The following F12 variants were observed in gnomAD, a reference collection of about 807,000 sequenced individuals.
The protein encoded by F12 is Hageman factor.
A neutral mutation model predicts 74.8 loss-of-function variants in F12; 70 were observed. That is an observed-to-expected ratio of 0.94 (90% CI 0.77 to 1.14). The LOEUF is 1.14. Ranked by LOEUF, F12 falls within the 50% of genes most tolerant of loss-of-function variation. The probability of loss-of-function intolerance (pLI) is 0.00; values close to 1 mark genes in which losing one functional copy is unlikely to be tolerated. For missense variants in F12, 811 were observed against 835.7 expected (o/e 0.97, Z 0.36); for synonymous variants, 373 against 356.4 (o/e 1.05, Z -0.52).
chr5:177,406,407 T>A (rs2127361408), intron 2 of F12, among the ~76,000 whole-genome samples: 1 of 152,038 alleles, frequency 6.6e-6, no homozygotes, highest in East Asian at 1.9e-4. Flanking sequence ...GAGAATGGTG[T>A]GAACCCGGGA....
At position 177,405,034 on chromosome 5, in the gene F12, G is replaced by C; in HGVS notation, c.529+20C>G. The stretch of plus-strand genomic sequence containing the variant: ...TCTTCCTGACGCTCCTCCCTGGCCC[G>C]TTCCCAACCATCTGCTCACCCTGGC... On this transcript the variant is annotated intron_variant, in intron 6 of 13. Transcript: ENST00000253496. 6.2e-7 allele frequency: 1 copy of C among 1,610,000 alleles called. No homozygotes were observed. The highest frequency in any genetic ancestry group is 2.2e-5 in the East Asian group (1 of 44,880).
At chr5:177,402,496 G>A (rs1409533261) in intron 13 of F12, 37 bp from the exon 14 acceptor site, 2 of 1,599,576 alleles carry the variant, frequency 1.3e-6, no homozygotes, top group Admixed American at 1.7e-5. Context: ...CTGTGGACCT[G>A]AGATTTGTGC....
Position 177,405,951 on chromosome 5 carries a change from C to G in F12, c.215+11G>C. The stretch of plus-strand genomic sequence containing the variant: ...CCAGGCCCCTGCTCCAACTCCTCTG[C>G]GTAGTCTTACCAGGGCTGAGGGCCT... On this transcript the variant is annotated intron_variant, in intron 3 of 13. Transcript: ENST00000253496. The G allele has an allele frequency of 3.7e-6, 6 of 1,612,506 alleles. No individual in the cohort carries two copies. The highest frequency in any genetic ancestry group is 1.1e-5 in the South Asian group (1 of 91,058).
At position 177,403,288 on chromosome 5, in the gene F12, G is replaced by A. The variant is rs71601361; in HGVS notation, c.1497C>T (p.Leu499=). ...GGTGGCCCCAGCCGGCCACCTGGCA[G>A]AGCGTGGTCTCGGAGGGTCGCGCGG... is the stretch of plus-strand genomic sequence containing the variant. ...SGAARPSETT[L]CQVAGWGHQF... The change falls in exon 12 of 14, where the codon CTC becomes CTT. Residue 499 remains leucine (L), a synonymous_variant. Transcript: ENST00000253496. 6.2e-7 allele frequency: 1 copy of A among 1,600,400 alleles called. No homozygotes were observed. Among genetic ancestry groups the A allele is most frequent in the Non-Finnish European group, 8.5e-7 (1 of 1,179,848 alleles).
At position 177,404,484 on chromosome 5, in the gene F12, C is replaced by T. The variant is rs1012917194; in HGVS notation, c.800+15G>A. On this transcript the variant is annotated intron_variant, in intron 8 of 13. Transcript: ENST00000253496. ...GCCCTGGGGCGGAGGGGTCACCCAG[C>T]CCCACGCGGCGCACCGGCAGAAGGC... 1.3e-6 allele frequency: 2 copies of T among 1,590,308 alleles called. No individual in the cohort carries two copies. Among genetic ancestry groups the T allele is most frequent in the Non-Finnish European group, 1.7e-6 (2 of 1,168,918 alleles).
rs1276650320 is a variant in F12 at position 177,405,763 on chromosome 5, T to G, written c.258A>C (p.Gly86=). ...TCACTTTCTTGGGCTCCAAACAGTA[T>G]CCCCATCGCTGGTCCTGATCAAAGT... ...TPNFDQDQRW[G]YCLEPKKVKD... is the part of the protein sequence containing the mutation. The change falls in exon 4 of 14, where the codon GGA becomes GGC. Residue 86 remains glycine, a synonymous_variant. Transcript: ENST00000253496. 6.2e-7 allele frequency: 1 copy of G among 1,613,996 alleles called. No individual in the cohort carries two copies. The highest frequency in any genetic ancestry group is 1.3e-5 in the African/African-American group (1 of 74,880).
chr5:177,402,452 G>C lies in F12; in HGVS notation c.1688C>G (p.Ser563Cys). Residue 563 changes from serine to cysteine, a missense_variant, in exon 14 of 14, where the codon TCC (serine) becomes TGC (cysteine). Transcript: ENST00000253496. ...EGGTDACQGD[S>C]GGPLVCEDQA... ...GTCCTCACACACCAGCGGGCCTCCG[G>C]AATCACCCTGGGTCGGAAACACGCA... 6.2e-7 allele frequency: 1 copy of C among 1,606,914 alleles called. No individual in the cohort carries two copies. Among genetic ancestry groups the C allele is most frequent in the South Asian group, 1.1e-5 (1 of 90,050 alleles).
At position 177,404,563 on chromosome 5, in the gene F12, T is replaced by C; in HGVS notation, c.736A>G (p.Thr246Ala). 6.2e-7 allele frequency: 1 copy of C among 1,606,558 alleles called. No homozygotes were observed. The change falls in exon 8 of 14, where the codon ACC becomes GCC. Residue 246 changes from threonine to alanine, a missense_variant. Physicochemically the swap from Thr to Ala is moderately conservative, Grantham distance 58 (BLOSUM62 0). Transcript: ENST00000253496. ...TGCTCGGCAGTCACGTTCCGGTAGG[T>C]GGCCTCCGAGGCCCACGGCTGACAG... The part of the protein sequence containing the change: ...APCQPWASEA[T>A]YRNVTAEQAR...
intron 2 of F12, among the ~76,000 whole-genome samples, chr5:177,407,963 C>A (rs184934185): frequency 6.6e-6 from 1 of 151,902 alleles, no homozygotes; most frequent in Non-Finnish European, 1.5e-5. Flanking sequence ...TGGGCCTCAA[C>A]GCCATGCTTA....
intron 2 of F12, 143 bp from the exon 3 acceptor site, chr5:177,406,204 C>T (rs868107793): frequency 2.2e-5 from 17 of 777,186 alleles, no homozygotes; most frequent in African/African-American, 1.7e-4. Context: ...AAGTTGGGTT[C>T]AGGGCCGGGC....
chr5:177,409,360 G>A, intron 1 of F12, 111 bp downstream of exon 1: 2 of 1,321,106 alleles, frequency 1.5e-6, no homozygotes, highest in Non-Finnish European at 2.1e-6. Flanking sequence ...TTTCCACATA[G>A]GCCTCCTAGT....
Position 177,404,924 on chromosome 5 carries a change from G to A in F12, c.530-10C>T, listed in dbSNP as rs1224927893. Reference sequence around the variant, plus strand: ...GGGTTGGTGCGGCAGGCTTGGGGAGGGAACGCAGTGAGCCACCCCTGGGCC... The same window carrying A: ...GGGTTGGTGCGGCAGGCTTGGGGAGAGAACGCAGTGAGCCACCCCTGGGCC... On this transcript the variant is annotated splice_polypyrimidine_tract_variant and intron_variant, in intron 6 of 13. Coordinates refer to ENST00000253496, the MANE Select transcript of F12 (RefSeq NM_000505.4). The A allele has an allele frequency of 3.1e-6, 5 of 1,595,044 alleles. No homozygotes were observed. The highest frequency in any genetic ancestry group is 3.4e-6 in the Non-Finnish European group (4 of 1,174,534).
At position 177,409,093 on chromosome 5, in the gene F12, C is replaced by G; in HGVS notation, c.68G>C (p.Trp23Ser). 6.4e-7 allele frequency: 1 copy of G among 1,551,690 alleles called. No homozygotes were observed. Among genetic ancestry groups the G allele is most frequent in the East Asian group, 2.4e-5 (1 of 40,944 alleles). ...SLESTLSIPPWEAPKEHKYKA... is the reference protein window; with the variant it reads ...SLESTLSIPPSEAPKEHKYKA... ...GTACTTATGCTCCTTGGGGGCTTCC[C>G]AAGGTGGAATCTACAAGGGAGAGAA... The change falls in exon 2 of 14, where the codon TGG becomes TCG. Residue 23 changes from tryptophan (W) to serine (S), a missense_variant. Coordinates refer to ENST00000253496, the MANE Select transcript of F12 (RefSeq NM_000505.4).
intron 2 of F12, among the ~76,000 whole-genome samples, chr5:177,406,446 G>A (rs548500996): frequency 6.1e-4 from 93 of 151,690 alleles, no homozygotes; most frequent in African/African-American, 1.9e-3. Context: ...CCGAGATCGC[G>A]CCACTGCACT....
chr5:177,402,269 G>A lies in F12; in HGVS notation c.*23C>T, dbSNP rs968748041. 6.2e-6 allele frequency: 10 copies of A among 1,612,830 alleles called. No individual in the cohort carries two copies. The African/African-American group carries it at 8.0e-5, about 13-fold the overall frequency. ...TCTCTCACTGCGGAATCACCAAGGA[G>A]GGAAAGATGAGTCCCTGAGCAATCA... On this transcript the variant is annotated 3_prime_UTR_variant, in exon 14 of 14. Transcript: ENST00000253496.
chr5:177,403,903 G>T lies in F12; in HGVS notation c.1206C>A (p.Ile402=). 6.3e-7 allele frequency: 1 copy of T among 1,583,232 alleles called. No homozygotes were observed. Among genetic ancestry groups the T allele is most frequent in the Non-Finnish European group, 8.6e-7 (1 of 1,167,974 alleles). The stretch of plus-strand genomic sequence containing the variant: ...CGGCCGTCAGCACCCAGCAGGGGGC[G>T]ATGAGGCTGCCGGCGCAGAAACTGT... ...WGHSFCAGSL[I]APCWVLTAAH... Residue 402 remains isoleucine (I), a synonymous_variant, in exon 10 of 14, where the codon ATC becomes ATA. Transcript: ENST00000253496.
At chr5:177,408,360 TA>T (rs1763337082) in intron 2 of F12, among the ~76,000 whole-genome samples, 1 of 152,134 alleles carries the variant, frequency 6.6e-6, no homozygotes, top group Non-Finnish European at 1.5e-5. Context: ...GGCATGTAGG[TA>T]ATTTAGTGTC....
intron 13 of F12, 43 bp from the exon 14 acceptor site, chr5:177,402,502 T>G (rs1366599826): frequency 6.2e-7 from 1 of 1,600,240 alleles, no homozygotes; most frequent in African/African-American, 1.3e-5. Context: ...ACCTGAGATT[T>G]GTGCCTGACG....
rs762979672 is a variant in F12, at chr5:177,403,844, C to A, written c.1250+15G>T. 3 of 1,509,646 alleles carry A rather than the reference C, an allele frequency of 2.0e-6. No individual in the cohort carries two copies. The highest frequency in any genetic ancestry group is 2.7e-6 in the Non-Finnish European group (3 of 1,128,846). 93.5% of individuals were successfully genotyped at this position (1,509,646 alleles called of 1,614,324 possible). A position where few individuals can be genotyped will look rare whatever the true frequency, so the allele number is the denominator to read the frequency against. Reference sequence around the variant, plus strand: ...CCGCGGCCCCTGGGGCGGCTCTGGGCGGGCGGGTACTCGCCGGTCCTGCAG... The same window carrying A: ...CCGCGGCCCCTGGGGCGGCTCTGGGAGGGCGGGTACTCGCCGGTCCTGCAG... On this transcript the variant is annotated intron_variant, in intron 10 of 13. Transcript: ENST00000253496.
Sources: gnomAD v4.1 joint callset for allele counts (sites outside exome capture counted in the v4.1 genomes callset) on GRCh38, gnomAD v4.1.1 for gene constraint, MANE v1.5 for transcripts, NCBI Gene and HGNC (gene_info 2026-07-23, HGNC 2026-07-21) for gene names.